Variants in THSD4 observed in about 807,000 individuals in gnomAD.
The protein encoded by THSD4 is thrombospondin type 1 domain containing 4, also known as thrombospondin type-1 domain-containing protein 4.
In THSD4, 69 loss-of-function variants were observed where a neutral mutation model predicts 119.0. That is an observed-to-expected ratio of 0.58 (90% CI 0.48 to 0.71). THSD4 has a LOEUF of 0.71. Among genes scored for constraint, THSD4 ranks in the 30% least tolerant of loss-of-function variants. The pLI is 0.00. For missense variants in THSD4, 1,393 were observed against 1,391.1 expected, an observed-to-expected ratio of 1.00 and a Z score of -0.02; for synonymous variants, 524 against 540.4, an observed-to-expected ratio of 0.97 and a Z score of 0.42.
intron 7 of THSD4, among the ~76,000 whole-genome samples, chr15:71,626,749 G>T (rs1290950393): frequency 6.6e-6 from 1 of 152,146 alleles, no homozygotes; most frequent in Non-Finnish European, 1.5e-5. Flanking sequence ...TCATTATCTA[G>T]TGTTTTACTC....
chr15:71,611,678 C>T (rs903435498), intron 7 of THSD4, among the ~76,000 whole-genome samples: 1 of 152,190 alleles, frequency 6.6e-6, no homozygotes, highest in Non-Finnish European at 1.5e-5. Context: ...TTAACCCGGC[C>T]TGGGGTGGCC....
intron 7 of THSD4, among the ~76,000 whole-genome samples, chr15:71,463,208 C>T (rs766126714): frequency 8.5e-5 from 13 of 152,176 alleles, no homozygotes; most frequent in Non-Finnish European, 1.9e-4. Context: ...TATTTGCTAA[C>T]TCTTAATCTT....
chr15:71,338,285 C>G (rs2045513727), intron 6 of THSD4, among the ~76,000 whole-genome samples: 1 of 133,180 alleles, frequency 7.5e-6, no homozygotes, highest in Admixed American at 7.9e-5. Flanking sequence ...CCGCCCCACT[C>G]TGAGCTTCTT....
At chr15:71,495,879 A>G (rs2048008284) in intron 7 of THSD4, among the ~76,000 whole-genome samples, 1 of 152,226 alleles carries the variant, frequency 6.6e-6, no homozygotes, top group East Asian at 1.9e-4. Flanking sequence ...ATTTAAGCCC[A>G]TGGTAGAGTC....
chr15:71,490,792 C>T (rs1009111942), intron 7 of THSD4, among the ~76,000 whole-genome samples: 18 of 152,086 alleles, frequency 1.2e-4, no homozygotes, highest in African/African-American at 4.1e-4. Flanking sequence ...GTCAATGGGC[C>T]AAATCCAGTC....
At chr15:71,448,883 T>C (rs2047226156) in intron 7 of THSD4, among the ~76,000 whole-genome samples, 1 of 152,168 alleles carries the variant, frequency 6.6e-6, no homozygotes, top group Non-Finnish European at 1.5e-5. Context: ...AAAAGTTAAA[T>C]ATAGGTGGCT....
At chr15:71,241,564 T>C (rs144015357) in intron 4 of THSD4, among the ~76,000 whole-genome samples, 339 of 152,336 alleles carry the variant, frequency 2.2e-3, no homozygotes, top group African/African-American at 7.6e-3. Context: ...TTGCAAAGAG[T>C]AGTTGCACAA....
intron 1 of THSD4, among the ~76,000 whole-genome samples, chr15:71,106,938 C>T (rs2040276531): frequency 6.6e-6 from 1 of 152,106 alleles, no homozygotes; most frequent in South Asian, 2.1e-4. Context: ...CCACATTTAA[C>T]TTCAAAGGGA....
At chr15:71,200,028 G>C (rs894720788) in intron 3 of THSD4, among the ~76,000 whole-genome samples, 2 of 146,684 alleles carry the variant, frequency 1.4e-5, no homozygotes, top group Non-Finnish European at 3.0e-5. Context: ...ACAGTCATAG[G>C]TATTTCAGAG....
chr15:71,220,580 ACT>A (rs1481204450), intron 4 of THSD4, among the ~76,000 whole-genome samples: 2 of 152,116 alleles, frequency 1.3e-5, no homozygotes, highest in Non-Finnish European at 2.9e-5. Flanking sequence ...CATAGTGGAC[ACT>A]CATTAAATAC....
intron 4 of THSD4, among the ~76,000 whole-genome samples, chr15:71,240,778 A>G (rs962526940): frequency 4.7e-5 from 7 of 149,622 alleles, no homozygotes; most frequent in African/African-American, 1.7e-4. Context: ...AATTATATCC[A>G]AGTTTTATAT....
chr15:71,151,047 A>G (rs919074803), intron 2 of THSD4, among the ~76,000 whole-genome samples: 2 of 152,168 alleles, frequency 1.3e-5, no homozygotes, highest in Non-Finnish European at 2.9e-5. Context: ...GTGAGACGGT[A>G]AATGCTATGG....
chr15:71,519,370 C>CT (rs1311639340), intron 7 of THSD4, among the ~76,000 whole-genome samples: 10 of 151,926 alleles, frequency 6.6e-5, no homozygotes, highest in Non-Finnish European at 1.2e-4. Flanking sequence ...TTTTCTTTTT[C>CT]TTTTTTTGAG....
chr15:71,374,966 C>T (rs1016030432), intron 6 of THSD4, among the ~76,000 whole-genome samples: 1 of 152,124 alleles, frequency 6.6e-6, no homozygotes, highest in African/African-American at 2.4e-5. Flanking sequence ...ATCACCTGTC[C>T]TGCGGGTATT....
intron 7 of THSD4, among the ~76,000 whole-genome samples, chr15:71,554,296 C>T (rs1213737366): frequency 6.6e-6 from 1 of 150,642 alleles, no homozygotes; most frequent in East Asian, 2.0e-4. Context: ...TGGGTTTCAC[C>T]GTGTTAACCA....
chr15:71,693,102 A>G lies in THSD4; in HGVS notation c.1357+32368A>G, dbSNP rs557781027. Among the ~76,000 whole-genome samples, 10 of 152,162 alleles carry G rather than the reference A, an allele frequency of 6.6e-5. No individual in the cohort carries two copies. The East Asian group carries it at 1.5e-3, about 24-fold the overall frequency. On this transcript the variant is annotated intron_variant, in intron 8 of 17. Transcript: ENST00000261862. ...TGAAATCAACCCTGATGTTAGCTCAATAATTTCAGGATGTGGGGAGGGTGG... is the reference window on the plus strand; with the variant it reads ...TGAAATCAACCCTGATGTTAGCTCAGTAATTTCAGGATGTGGGGAGGGTGG...
At chr15:71,211,598 A>G (rs2043888509) in intron 3 of THSD4, among the ~76,000 whole-genome samples, 1 of 152,152 alleles carries the variant, frequency 6.6e-6, no homozygotes, top group Non-Finnish European at 1.5e-5. Flanking sequence ...ATACAATCAT[A>G]CTGAGGATTT....
At chr15:71,768,940 C>T (rs111444275) in intron 16 of THSD4, among the ~76,000 whole-genome samples, 8,029 of 102,186 alleles carry the variant, frequency 0.079, 2,309 homozygotes, top group African/African-American at 0.4. Flanking sequence ...CCCGGCCAGC[C>T]GCCCCGTCCG....
In THSD4 at chr15:71,295,999, C is replaced by T. The variant is rs2044857446; in HGVS notation, c.1015+39284C>T. ...TGTAGCATGTATTGATAGCCTATTC[C>T]TTTCTATTGCTCAATAATATGGCAA... On this transcript the variant is annotated intron_variant, in intron 6 of 17. Transcript: ENST00000261862. Among the ~76,000 whole-genome samples the T allele has an allele frequency of 3.9e-5, 6 of 152,158 alleles. No homozygotes were observed. In the South Asian group the frequency reaches 1.2e-3, roughly 32 times the overall value.
Sources: allele counts gnomAD v4.1 joint callset (sites outside exome capture counted in the v4.1 genomes callset), GRCh38; gene constraint gnomAD v4.1.1; transcripts MANE v1.5; gene names NCBI Gene and HGNC (gene_info 2026-07-23, HGNC 2026-07-21).